The following WDR25 variants were observed in gnomAD, a reference collection of about 807,000 sequenced individuals.
WDR25 encodes WD repeat domain 25, also known as WD repeat-containing protein 25.
Under a neutral mutation model 47.7 loss-of-function variants are expected in WDR25, and 35 were observed. The ratio of observed to expected loss-of-function variants is 0.73; its 90% confidence interval spans 0.56 to 0.97. The LOEUF (loss-of-function observed/expected upper bound fraction) is 0.97, where lower values mean the gene tolerates loss of function less well. Among genes scored for constraint, WDR25 ranks in the 50% least tolerant of loss-of-function variants. The pLI, the probability that WDR25 is intolerant of heterozygous loss-of-function variation, is 0.00. For synonymous variants in WDR25, 248 were observed against 278.9 expected, an observed-to-expected ratio of 0.89 and a Z score of 1.10; for missense variants, 634 against 704.7, an observed-to-expected ratio of 0.90 and a Z score of 1.14.
intron 2 of WDR25, among the ~76,000 whole-genome samples, chr14:100,416,349 G>T (rs1164267301): frequency 6.6e-6 from 1 of 152,118 alleles, no homozygotes; most frequent in Non-Finnish European, 1.5e-5. Context: ...AACTCTGATT[G>T]TCATTCCTTG....
In WDR25 at chr14:100,392,439, T is replaced by C. The variant is rs1390523043; in HGVS notation, c.822+10693T>C. ...GGGGTCCAAGCCTCTGTCACCCTCT[T>C]GCCCCTTCTCCTCTGCCCTTCCTTT... On this transcript the variant is annotated intron_variant, in intron 2 of 6. Transcript: ENST00000402312. This position sits in a 1 kb window ranked among gnomAD's most constrained non-coding sequence, Gnocchi z 4.2. 6.6e-6 allele frequency among the ~76,000 whole-genome samples: 1 copy of C among 151,858 alleles called. No homozygotes were observed. Among genetic ancestry groups the C allele is most frequent in the East Asian group, 1.9e-4 (1 of 5,162 alleles).
rs1898101992 is a variant in WDR25 at position 100,424,107 on chromosome 14, G to T, written c.822+42361G>T. On this transcript the variant is annotated intron_variant, in intron 2 of 6. Transcript: ENST00000402312. This position sits in a 1 kb window ranked among gnomAD's most constrained non-coding sequence, Gnocchi z 4.2. ...GGCCTCCCTGTACCAACCAGATTGG[G>T]TATAAACAAGGCATTCATTACCTGT... is the stretch of plus-strand genomic sequence containing the variant. Among the ~76,000 whole-genome samples, 1 of 152,208 alleles carries T rather than the reference G, an allele frequency of 6.6e-6. No individual in the cohort carries two copies. Among genetic ancestry groups the T allele is most frequent in the Non-Finnish European group, 1.5e-5 (1 of 68,026 alleles).
intron 2 of WDR25, among the ~76,000 whole-genome samples, chr14:100,413,011 G>T (rs1897754185): frequency 6.6e-6 from 1 of 152,014 alleles, no homozygotes; most frequent in Admixed American, 6.6e-5. Flanking sequence ...TGTATTTTTG[G>T]TAGAGACGGA....
Position 100,526,200 on chromosome 14 carries a change from GA to G in WDR25, c.1272+161del, listed in dbSNP as rs200162381. 5.1e-4 allele frequency among the ~76,000 whole-genome samples: 78 copies of G among 152,292 alleles called. 1 individual carries two copies. In the East Asian group the frequency reaches 0.012, roughly 24 times the overall value. ...CAGGTCTCAGCCTGCCGCACACATG[GA>G]GAGCTTGCTGTGGGCTTCCAGATGC... On this transcript the variant is annotated intron_variant, in intron 5 of 6. Transcript: ENST00000402312.
intron 4 of WDR25, 30 bp downstream of exon 4, chr14:100,484,154 C>A (rs373191091): frequency 1.9e-6 from 3 of 1,591,262 alleles, no homozygotes; most frequent in Non-Finnish European, 2.6e-6. Context: ...CTTGGCCTTT[C>A]CACAGGAGAG....
At chr14:100,461,714 T>C (rs1899420207) in intron 2 of WDR25, among the ~76,000 whole-genome samples, 1 of 152,164 alleles carries the variant, frequency 6.6e-6, no homozygotes. Context: ...GAGAATGGTC[T>C]CTAAAATTAT....
intron 4 of WDR25, among the ~76,000 whole-genome samples, chr14:100,492,694 T>TA (rs1214033328): frequency 2.6e-5 from 4 of 152,236 alleles, no homozygotes; most frequent in Non-Finnish European, 5.9e-5. Flanking sequence ...TATTTTTTTT[T>TA]ACTATTGATT....
At chr14:100,418,700 A>G (rs1205898622) in intron 2 of WDR25, among the ~76,000 whole-genome samples, 2 of 151,536 alleles carry the variant, frequency 1.3e-5, no homozygotes, top group African/African-American at 4.8e-5. Flanking sequence ...AGTCTCAGCC[A>G]CAACGGTCAG....
intron 4 of WDR25, among the ~76,000 whole-genome samples, chr14:100,494,761 T>C (rs1900678100): frequency 1.3e-5 from 2 of 152,236 alleles, no homozygotes; most frequent in South Asian, 4.1e-4. Context: ...CCTTCTCCCA[T>C]GTGGAAGGCG....
At chr14:100,453,804 C>T (rs560601124) in intron 2 of WDR25, among the ~76,000 whole-genome samples, 2 of 152,232 alleles carry the variant, frequency 1.3e-5, no homozygotes, top group Non-Finnish European at 2.9e-5. Context: ...TGATATGTCT[C>T]GCTCTTAATC....
chr14:100,463,918 C>T (rs1899514049), intron 2 of WDR25, among the ~76,000 whole-genome samples: 1 of 152,182 alleles, frequency 6.6e-6, no homozygotes, highest in South Asian at 2.1e-4. Context: ...TCCCACTGTT[C>T]CAAGCCATTT....
chr14:100,376,915 G>A, intron 1 of WDR25: 1 of 347,918 alleles, frequency 2.9e-6, no homozygotes, highest in East Asian at 8.2e-5. Flanking sequence ...TTTAGACGCT[G>A]GGCATTGAAT....
rs1368016879 is a variant in WDR25, at chr14:100,529,859, G to A, written c.1453G>A (p.Gly485Ser). ...AGTGGGCTGCGAGTGCTCCCCAGGC[G>A]GTGACTTGCTGGTGACGGGCAGCGC... ...YSVGCECSPG[G>S]DLLVTGSADG... The change falls in exon 7 of 7, where the codon GGT becomes AGT. Residue 485 changes from glycine (G) to serine (S), a missense_variant. Physicochemically the swap from Gly to Ser is moderately conservative, Grantham distance 56. Transcript: ENST00000402312. This position sits in a 1 kb window ranked among gnomAD's most constrained non-coding sequence, Gnocchi z 5.1. 1.4e-5 allele frequency: 23 copies of A among 1,612,942 alleles called. No homozygotes were observed. Among genetic ancestry groups the A allele is most frequent in the Middle Eastern group, 1.7e-4 (1 of 5,954 alleles).
intron 4 of WDR25, among the ~76,000 whole-genome samples, chr14:100,517,070 A>C (rs1172364114): frequency 4.8e-5 from 7 of 145,536 alleles, no homozygotes; most frequent in Admixed American, 4.8e-4. Context: ...AGCCAGGACC[A>C]CAGGCATGAG....
At chr14:100,452,552 A>G (rs1383536307) in intron 2 of WDR25, among the ~76,000 whole-genome samples, 1 of 152,192 alleles carries the variant, frequency 6.6e-6, no homozygotes, top group African/African-American at 2.4e-5. Context: ...GAGCACCTGG[A>G]CAGAGGAGTA....
chr14:100,432,831 A>C (rs1898379677), intron 2 of WDR25, among the ~76,000 whole-genome samples: 1 of 152,232 alleles, frequency 6.6e-6, no homozygotes, highest in Admixed American at 6.5e-5. Context: ...TGGTGGGAAC[A>C]CCATATAGTG....
chr14:100,515,717 C>T (rs993267200), intron 4 of WDR25, among the ~76,000 whole-genome samples: 3 of 151,894 alleles, frequency 2.0e-5, no homozygotes, highest in Non-Finnish European at 4.4e-5. Flanking sequence ...CAACCTCTGC[C>T]TCCTGGGTTC....
In WDR25 at chr14:100,525,265, A is replaced by G. The variant is rs1412130811; in HGVS notation, c.1102-605A>G. Among the ~76,000 whole-genome samples the G allele has an allele frequency of 6.6e-6, 1 of 152,256 alleles. No homozygotes were observed. Among genetic ancestry groups the G allele is most frequent in the Non-Finnish European group, 1.5e-5 (1 of 68,052 alleles). On this transcript the variant is annotated intron_variant, in intron 4 of 6. Transcript: ENST00000402312. The surrounding 1 kb of genome is among the most constrained non-coding windows in gnomAD (Gnocchi z 4.6). ...AAGCTGAATGTGATAAAATCCTCTA[A>G]GAAAGCAAAACAACTGCTCAATACT...
chr14:100,529,775 G>C lies in WDR25; in HGVS notation c.1414-45G>C. 1.3e-6 allele frequency: 2 copies of C among 1,588,328 alleles called. No homozygotes were observed. The highest frequency in any genetic ancestry group is 1.7e-6 in the Non-Finnish European group (2 of 1,166,914). ...CTGTAGAATGGGCATACTCACCCCG[G>C]CTTGACAGGTGCGGCTTGCTCACCC... On this transcript the variant is annotated intron_variant, in intron 6 of 6. Coordinates refer to ENST00000402312, the MANE Select transcript of WDR25 (RefSeq NM_001161476.3). The surrounding 1 kb of genome is among the most constrained non-coding windows in gnomAD (Gnocchi z 5.1).
Sources: gnomAD v4.1 joint callset for allele counts (sites outside exome capture counted in the v4.1 genomes callset) on GRCh38, gnomAD v4.1.1 for gene constraint, Gnocchi (gnomAD v3.1) non-coding constraint, MANE v1.5 for transcripts, NCBI Gene and HGNC (gene_info 2026-07-23, HGNC 2026-07-21) for gene names.